The following FBXO46 variants were observed in gnomAD, a reference collection of about 807,000 sequenced individuals.
The protein encoded by FBXO46 is F-box protein 46, also known as F-box only protein 46.
FBXO46 carries 13 observed loss-of-function variants against 30.7 expected under a neutral mutation model. The observed-to-expected ratio is 0.42, with a 90% CI of 0.28 to 0.67. FBXO46 has a LOEUF of 0.67. FBXO46 is among the 30% of genes least tolerant of loss of function. FBXO46 has a pLI of 0.21. For missense variants in FBXO46, 754 were observed against 871.5 expected, an observed-to-expected ratio of 0.87 and a Z score of 1.70; for synonymous variants, 467 against 385.8, an observed-to-expected ratio of 1.21 and a Z score of -2.47.
In FBXO46 at chr19:45,711,272, A is replaced by G; in HGVS notation, c.*412T>C. 1 of 430,928 alleles carries G rather than the reference A, an allele frequency of 2.3e-6. No homozygotes were observed. The highest frequency in any genetic ancestry group is 4.5e-6 in the Non-Finnish European group (1 of 222,628). The allele number at this position is 430,928 out of a possible 1,614,324, so 26.7% of individuals were successfully genotyped here. On this transcript the variant is annotated 3_prime_UTR_variant, in exon 2 of 2. Transcript: ENST00000317683. ...GCGATGCGGCTTCTTGGGAAATAAC[A>G]GCTCCAGCGAGAAAGAATTGGGGTG...
chr19:45,725,327 A>C (rs1055187160), intron 1 of FBXO46, among the ~76,000 whole-genome samples: 5 of 152,162 alleles, frequency 3.3e-5, no homozygotes, highest in African/African-American at 1.2e-4. Context: ...AGGTGAGAGG[A>C]TGGCGTAAGA....
chr19:45,732,533 A>G (rs1483268514), upstream of FBXO46, among the ~76,000 whole-genome samples: 1 of 5,018 alleles, frequency 2.0e-4, no homozygotes, highest in Non-Finnish European at 4.3e-4. Flanking sequence ...CGTCTCTACC[A>G]AAAAAAAAAA....
intron 1 of FBXO46, among the ~76,000 whole-genome samples, chr19:45,718,559 A>AAT (rs1400429636): frequency 6.6e-6 from 1 of 152,086 alleles, no homozygotes; most frequent in African/African-American, 2.4e-5. Flanking sequence ...CACCAACTGC[A>AAT]ATACATTCCC....
In FBXO46 at chr19:45,711,676, C is replaced by A; in HGVS notation, c.*8G>T. ...GCGTGGTGGGCTCTCCCCTCCCCTC[C>A]CCCGGCTTCACCTCCCCTCCTCCCG... is the stretch of plus-strand genomic sequence containing the variant. On this transcript the variant is annotated 3_prime_UTR_variant, in exon 2 of 2. Transcript: ENST00000317683. The A allele has an allele frequency of 6.6e-7, 1 of 1,524,034 alleles. No homozygotes were observed. Among genetic ancestry groups the A allele is most frequent in the Non-Finnish European group, 8.8e-7 (1 of 1,136,800 alleles). 94.4% of individuals were successfully genotyped at this position (1,524,034 alleles called of 1,614,324 possible).
chr19:45,712,258 T>G lies in FBXO46; in HGVS notation c.1238A>C (p.Asn413Thr). 6.2e-7 allele frequency: 1 copy of G among 1,604,156 alleles called. No individual in the cohort carries two copies. Among genetic ancestry groups the G allele is most frequent in the Non-Finnish European group, 8.5e-7 (1 of 1,179,064 alleles). The change falls in exon 2 of 2, where the codon AAC becomes ACC. Residue 413 changes from asparagine (N) to threonine (T), a missense_variant. Asn to Thr is a moderately conservative substitution (Grantham distance 65). Around this residue, in one of 5 missense-constraint regions of FBXO46, gnomAD observed 454 missense variants for 426.5 expected, o/e 1.06. Transcript: ENST00000317683. The surrounding 1 kb of genome is among the most constrained non-coding windows in gnomAD (Gnocchi z 8.8). ...PPPGQLFFLQ[N>T]RGPDGPPEPP... ...CTCCGGGGGCCCGTCCGGCCCGCGG[T>G]TCTGGAGAAAGAAGAGCTGGCCCGG...
rs1345334980 is a variant in FBXO46, at chr19:45,712,899, T to G, written c.597A>C (p.Val199=). 1.2e-6 allele frequency: 2 copies of G among 1,613,050 alleles called. No individual in the cohort carries two copies. Among genetic ancestry groups the G allele is most frequent in the Non-Finnish European group, 1.7e-6 (2 of 1,179,568 alleles). ...CACCTTGCTCGGCGGACACAAAGACTACAGGCGCTGGGGTGGTCGGTCGTG... is the reference window on the plus strand; with the variant it reads ...CACCTTGCTCGGCGGACACAAAGACGACAGGCGCTGGGGTGGTCGGTCGTG... ...SYPRPTTPAP[V]VFVSAEQGGP... Residue 199 remains valine (V), a synonymous_variant, in exon 2 of 2, where the codon GTA becomes GTC. Coordinates refer to ENST00000317683, the MANE Select transcript of FBXO46 (RefSeq NM_001080469.2). This position sits in a 1 kb window ranked among gnomAD's most constrained non-coding sequence, Gnocchi z 8.8.
rs915453087 is a variant in FBXO46 at position 45,712,419 on chromosome 19, G to C, written c.1077C>G (p.Cys359Trp). Residue 359 changes from cysteine to tryptophan, a missense_variant, in exon 2 of 2, where the codon TGC becomes TGG. Coordinates refer to ENST00000317683, the MANE Select transcript of FBXO46 (RefSeq NM_001080469.2). This position sits in a 1 kb window ranked among gnomAD's most constrained non-coding sequence, Gnocchi z 8.8. ...PAPPPPPARD[C>W]GASGFHVDVV... ...CGTCCACGTGGAAGCCTGACGCTCC[G>C]CAGTCCCGGGCAGGGGGCGGAGGGG... is the stretch of plus-strand genomic sequence containing the variant. 3.7e-6 allele frequency: 6 copies of C among 1,609,552 alleles called. No individual in the cohort carries two copies. Among genetic ancestry groups the C allele is most frequent in the Non-Finnish European group, 5.1e-6 (6 of 1,179,678 alleles).
chr19:45,727,830 C>A (rs930812467), intron 1 of FBXO46, among the ~76,000 whole-genome samples: 2 of 152,210 alleles, frequency 1.3e-5, no homozygotes, highest in African/African-American at 4.8e-5. Flanking sequence ...ACAACAACAA[C>A]AACAAGAAAA....
At chr19:45,714,228 C>T (rs890529657) in intron 1 of FBXO46, among the ~76,000 whole-genome samples, 6 of 152,134 alleles carry the variant, frequency 3.9e-5, no homozygotes, top group African/African-American at 1.4e-4. Flanking sequence ...TTTGCTCACT[C>T]AGTAGCTCGT....
In FBXO46 at chr19:45,713,298, G is replaced by A; in HGVS notation, c.198C>T (p.Ala66=). 2 of 1,613,726 alleles carry A rather than the reference G, an allele frequency of 1.2e-6. No homozygotes were observed. Among genetic ancestry groups the A allele is most frequent in the Non-Finnish European group, 1.7e-6 (2 of 1,179,794 alleles). The part of the protein sequence containing the change: ...TPPALATEVP[A]SQPAPLLSAA... ...CTGAGAGGAGCGGAGCCGGCTGGGA[G>A]GCAGGGACCTCAGTGGCCAAGGCGG... The change falls in exon 2 of 2, where the codon GCC becomes GCT. Residue 66 remains alanine (A), a synonymous_variant. Transcript: ENST00000317683. The surrounding 1 kb of genome is among the most constrained non-coding windows in gnomAD (Gnocchi z 4.7).
chr19:45,731,059 C>T (rs1453250184), upstream of FBXO46, among the ~76,000 whole-genome samples: 2 of 152,314 alleles, frequency 1.3e-5, no homozygotes, highest in South Asian at 2.1e-4. Flanking sequence ...CTCGAACTCC[C>T]GGGAGACAAA....
intron 1 of FBXO46, among the ~76,000 whole-genome samples, chr19:45,727,414 T>C (rs1008912432): frequency 6.6e-6 from 1 of 151,810 alleles, no homozygotes; most frequent in Non-Finnish European, 1.5e-5. Context: ...AAAAATTAGC[T>C]GGGCGTGGTG....
At chr19:45,727,689 C>A (rs1968256886) in intron 1 of FBXO46, among the ~76,000 whole-genome samples, 2 of 152,294 alleles carry the variant, frequency 1.3e-5, no homozygotes, top group South Asian at 4.1e-4. Flanking sequence ...CATAAGCTTA[C>A]TATCACAGCC....
At chr19:45,726,178 C>T (rs995345587) in intron 1 of FBXO46, among the ~76,000 whole-genome samples, 1 of 151,764 alleles carries the variant, frequency 6.6e-6, no homozygotes, top group Non-Finnish European at 1.5e-5. Flanking sequence ...CCCGTCTCTA[C>T]AAAAAAGATA....
intron 1 of FBXO46, among the ~76,000 whole-genome samples, chr19:45,725,876 T>TTTTG (rs990826937): frequency 6.6e-6 from 1 of 152,168 alleles, no homozygotes; most frequent in African/African-American, 2.4e-5. Flanking sequence ...GCTTTGATTT[T>TTTTG]TTTGTTTGTT....
In FBXO46 at chr19:45,712,590, G is replaced by C. The variant is rs562477958; in HGVS notation, c.906C>G (p.Asp302Glu). Residue 302 changes from aspartate (D) to glutamate (E), a missense_variant, in exon 2 of 2, where the codon GAC (aspartate) becomes GAG (glutamate). Asp to Glu is a conservative substitution (Grantham distance 45). Coordinates refer to ENST00000317683, the MANE Select transcript of FBXO46 (RefSeq NM_001080469.2). This position sits in a 1 kb window ranked among gnomAD's most constrained non-coding sequence, Gnocchi z 8.8. Reference protein sequence around the residue: ...GSPGPGARAKDKITCDLYQLI... With the variant: ...GSPGPGARAKEKITCDLYQLI... ...GCTGGTATAAGTCACATGTGATCTT[G>C]TCCTTGGCTCGGGCCCCAGGACCTG... is the stretch of plus-strand genomic sequence containing the variant. 3 of 1,591,900 alleles carry C rather than the reference G, an allele frequency of 1.9e-6. No individual in the cohort carries two copies. Among genetic ancestry groups the C allele is most frequent in the East Asian group, 4.5e-5 (2 of 44,640 alleles).
At position 45,713,299 on chromosome 19, in the gene FBXO46, G is replaced by A. The variant is rs763476298; in HGVS notation, c.197C>T (p.Ala66Val). 5 of 1,613,696 alleles carry A rather than the reference G, an allele frequency of 3.1e-6. No individual in the cohort carries two copies. Among genetic ancestry groups the A allele is most frequent in the South Asian group, 2.2e-5 (2 of 91,074 alleles). The change falls in exon 2 of 2, where the codon GCC becomes GTC. Residue 66 changes from alanine (A) to valine (V), a missense_variant. By Grantham distance (64) the Ala-to-Val change is moderately conservative. Coordinates refer to ENST00000317683, the MANE Select transcript of FBXO46 (RefSeq NM_001080469.2). The surrounding 1 kb of genome is among the most constrained non-coding windows in gnomAD (Gnocchi z 4.7). ...TPPALATEVPASQPAPLLSAA... is the reference protein window; with the variant it reads ...TPPALATEVPVSQPAPLLSAA... ...TGAGAGGAGCGGAGCCGGCTGGGAGGCAGGGACCTCAGTGGCCAAGGCGGG... is the reference window on the plus strand; with the variant it reads ...TGAGAGGAGCGGAGCCGGCTGGGAGACAGGGACCTCAGTGGCCAAGGCGGG...
At chr19:45,723,142 G>A (rs564548869) in intron 1 of FBXO46, among the ~76,000 whole-genome samples, 1 of 152,098 alleles carries the variant, frequency 6.6e-6, no homozygotes, top group Admixed American at 6.6e-5. Flanking sequence ...GGGGGCCAGG[G>A]CAGAAGGATC....
At position 45,718,826 on chromosome 19, in the gene FBXO46, G is replaced by C. The variant is rs376545551; in HGVS notation, c.-78-5253C>G. On this transcript the variant is annotated intron_variant, in intron 1 of 1. Coordinates refer to ENST00000317683, the MANE Select transcript of FBXO46 (RefSeq NM_001080469.2). ...GGTCAGCCTTCAGCAACTACTCCAT[G>C]AAAATCTATTCATTGTAAAACATTG... 3.6e-4 allele frequency among the ~76,000 whole-genome samples: 55 copies of C among 150,736 alleles called. 1 individual carries two copies. Among genetic ancestry groups the C allele is most frequent in the Middle Eastern group, 3.4e-3 (1 of 292 alleles).
Sources: allele counts gnomAD v4.1 joint callset (sites outside exome capture counted in the v4.1 genomes callset), GRCh38; gene constraint gnomAD v4.1.1; regional missense constraint gnomAD v4.1.1; non-coding constraint Gnocchi (gnomAD v3.1); transcripts MANE v1.5; gene names NCBI Gene and HGNC (gene_info 2026-07-23, HGNC 2026-07-21).